The following FITM2 variants were observed in gnomAD, a reference collection of about 807,000 sequenced individuals.
FITM2 encodes the protein fat storage inducing transmembrane protein 2, also known as acyl-coenzyme A diphosphatase FITM2.
A neutral mutation model predicts 23.3 loss-of-function variants in FITM2; 16 were observed. The ratio of observed to expected loss-of-function variants is 0.69; its 90% CI spans 0.47 to 1.05. The LOEUF (loss-of-function observed/expected upper bound fraction) is 1.05. Among genes scored for constraint, FITM2 ranks in the 50% least tolerant of loss-of-function variants. The pLI, the probability that FITM2 is intolerant of heterozygous loss-of-function variation, is 0.00. For missense variants in FITM2, 273 were observed against 327.5 expected (o/e 0.83, Z 1.29); for synonymous variants, 132 against 142.0 (o/e 0.93, Z 0.50).
Position 44,305,856 on chromosome 20 carries a change from GC to G in FITM2, c.*768del, listed in dbSNP as rs1349664598. 6.6e-6 allele frequency: 1 copy of G among 152,148 alleles called. No individual in the cohort carries two copies. The highest frequency in any genetic ancestry group is 2.4e-5 in the African/African-American group (1 of 41,404). The allele number at this position is 152,148 out of a possible 1,614,324, so 9.4% of individuals were successfully genotyped here. The stretch of plus-strand genomic sequence containing the variant: ...GAAAAAAACCCTGCCTGAAATAGAT[GC>G]CTATGCAAAACTGACCAGTGGGAAA... On this transcript the variant is annotated 3_prime_UTR_variant, in exon 2 of 2. Transcript: ENST00000396825.
intron 1 of FITM2, 130 bp from the exon 2 acceptor site, chr20:44,307,370 C>G: frequency 9.2e-7 from 1 of 1,092,314 alleles, no homozygotes; most frequent in South Asian, 1.6e-5. Flanking sequence ...CTCATAGCAA[C>G]TATCATGTTT....
chr20:44,309,075 A>G (rs532990414), intron 1 of FITM2, among the ~76,000 whole-genome samples: 3 of 146,288 alleles, frequency 2.1e-5, no homozygotes, highest in Non-Finnish European at 4.5e-5. Context: ...GCTCACTGCA[A>G]CCTCCGCCTC....
chr20:44,306,451 C>T lies in FITM2; in HGVS notation c.*174G>A. 1 of 810,122 alleles carries T rather than the reference C, an allele frequency of 1.2e-6. No homozygotes were observed. The highest frequency in any genetic ancestry group is 3.0e-5 in the Admixed American group (1 of 33,232). The allele number at this position is 810,122 out of a possible 1,614,324, so 50.2% of individuals were successfully genotyped here. ...GGTGCTTGCAACACTGGTGATGTCG[C>T]CAAGAATAGTCTGAAGACTAAACTC... On this transcript the variant is annotated 3_prime_UTR_variant, in exon 2 of 2. Coordinates refer to ENST00000396825, the MANE Select transcript of FITM2 (RefSeq NM_001080472.4).
intron 1 of FITM2, 75 bp downstream of exon 1, chr20:44,310,901 T>G: frequency 6.8e-7 from 1 of 1,481,470 alleles, no homozygotes. Context: ...CCACGGCAGC[T>G]AGCACCGGCT....
Position 44,306,581 on chromosome 20 carries a change from A to G in FITM2, c.*44T>C. ...TAACTAAGCAAAATATATATTTGAA[A>G]AATAGATTAGCCATTGTCCTTCTGT... On this transcript the variant is annotated 3_prime_UTR_variant, in exon 2 of 2. Transcript: ENST00000396825. The G allele has an allele frequency of 6.3e-7, 1 of 1,582,148 alleles. No individual in the cohort carries two copies. The highest frequency in any genetic ancestry group is 8.6e-7 in the Non-Finnish European group (1 of 1,166,268).
In FITM2 at chr20:44,306,275, A is replaced by C; in HGVS notation, c.*350T>G. The C allele has an allele frequency of 4.1e-6, 1 of 242,962 alleles. No homozygotes were observed. Among genetic ancestry groups the C allele is most frequent in the East Asian group, 9.9e-5 (1 of 10,090 alleles). The allele number at this position is 242,962 out of a possible 1,614,324, so 15.1% of individuals were successfully genotyped here. A position where few individuals can be genotyped will look rare whatever the true frequency, so the allele number is the denominator to read the frequency against. On this transcript the variant is annotated 3_prime_UTR_variant, in exon 2 of 2. Transcript: ENST00000396825. Reference sequence around the variant, plus strand: ...AGGGAGAAGGCAGCAAAGGAGTCCCAAGGCTCTGGCCACTCCTTTAGCCAC... The same window carrying C: ...AGGGAGAAGGCAGCAAAGGAGTCCCCAGGCTCTGGCCACTCCTTTAGCCAC...
At chr20:44,307,830 G>A (rs1185028842) in intron 1 of FITM2, among the ~76,000 whole-genome samples, 3 of 151,916 alleles carry the variant, frequency 2.0e-5, no homozygotes, top group African/African-American at 7.2e-5. Context: ...GCTCACGCCT[G>A]TAATCCCAGC....
chr20:44,306,531 A>G lies in FITM2; in HGVS notation c.*94T>C, dbSNP rs536604458. 6.6e-7 allele frequency: 1 copy of G among 1,515,858 alleles called. No individual in the cohort carries two copies. The highest frequency in any genetic ancestry group is 1.4e-5 in the African/African-American group (1 of 72,196). 93.9% of individuals were successfully genotyped at this position (1,515,858 alleles called of 1,614,324 possible). ...AACTGCCTGGTACACTTTCCCTCTGAAGTAGGATCAATAATTTAGCCAAAT... is the reference window on the plus strand; with the variant it reads ...AACTGCCTGGTACACTTTCCCTCTGGAGTAGGATCAATAATTTAGCCAAAT... On this transcript the variant is annotated 3_prime_UTR_variant, in exon 2 of 2. Coordinates refer to ENST00000396825, the MANE Select transcript of FITM2 (RefSeq NM_001080472.4).
intron 1 of FITM2, among the ~76,000 whole-genome samples, chr20:44,307,779 G>C (rs2062694734): frequency 6.6e-6 from 1 of 150,456 alleles, no homozygotes; most frequent in East Asian, 2.0e-4. Flanking sequence ...GTATTAACCA[G>C]GTAATCCATT....
intron 1 of FITM2, among the ~76,000 whole-genome samples, chr20:44,307,678 G>C (rs575172190): frequency 6.6e-6 from 1 of 151,882 alleles, no homozygotes; most frequent in African/African-American, 2.4e-5. Flanking sequence ...CGGCCACCTT[G>C]GCCTCCCAAA....
In FITM2 at chr20:44,304,390, G is replaced by T. The variant is rs1413664844; in HGVS notation, c.*2235C>A. On this transcript the variant is annotated 3_prime_UTR_variant, in exon 2 of 2. Transcript: ENST00000396825. Reference sequence around the variant, plus strand: ...ATATCTTATCACAGGGCGTGGAACTGTGCCTTTGTGGATGGAGGTGACAGG... The same window carrying T: ...ATATCTTATCACAGGGCGTGGAACTTTGCCTTTGTGGATGGAGGTGACAGG... The T allele has an allele frequency of 1.3e-5, 2 of 152,208 alleles. No homozygotes were observed. Among genetic ancestry groups the T allele is most frequent in the Non-Finnish European group, 2.9e-5 (2 of 68,044 alleles). The allele number at this position is 152,208 out of a possible 1,614,324, so 9.4% of individuals were successfully genotyped here. A position where few individuals can be genotyped will look rare whatever the true frequency, so the allele number is the denominator to read the frequency against.
intron 1 of FITM2, among the ~76,000 whole-genome samples, 171 bp downstream of exon 1, chr20:44,310,805 C>A (rs1045650276): frequency 1.3e-5 from 2 of 152,266 alleles, no homozygotes; most frequent in Admixed American, 1.3e-4. Context: ...GTGACACCAG[C>A]TACCCCGGGG....
At position 44,307,669 on chromosome 20, in the gene FITM2, G is replaced by A. The variant is rs943606691; in HGVS notation, c.174-429C>T. Among the ~76,000 whole-genome samples, 8 of 151,722 alleles carry A rather than the reference G, an allele frequency of 5.3e-5. No individual in the cohort carries two copies. In the East Asian group the frequency reaches 1.2e-3, roughly 22 times the overall value. Reference sequence around the variant, plus strand: ...TCGAACTCCTGGCCTCAAATGCTCCGGCCACCTTGGCCTCCCAAAGTCCTG... The same window carrying A: ...TCGAACTCCTGGCCTCAAATGCTCCAGCCACCTTGGCCTCCCAAAGTCCTG... On this transcript the variant is annotated intron_variant, in intron 1 of 1. Transcript: ENST00000396825.
intron 1 of FITM2, 54 bp from the exon 2 acceptor site, chr20:44,307,294 C>T (rs1170103234): frequency 6.3e-7 from 1 of 1,587,714 alleles, no homozygotes; most frequent in African/African-American, 1.3e-5. Flanking sequence ...GAGAGGACAC[C>T]ATGTCAGGAC....
chr20:44,307,296 T>A, intron 1 of FITM2, 56 bp from the exon 2 acceptor site: 1 of 1,587,560 alleles, frequency 6.3e-7, no homozygotes, highest in Non-Finnish European at 8.6e-7. Flanking sequence ...GAGGACACCA[T>A]GTCAGGACTC....
chr20:44,310,744 G>A (rs954068960), intron 1 of FITM2, among the ~76,000 whole-genome samples: 5 of 152,186 alleles, frequency 3.3e-5, no homozygotes, highest in Admixed American at 1.3e-4. Context: ...GTCACCACCT[G>A]CCCAGTCAAG....
chr20:44,307,184 G>A lies in FITM2; in HGVS notation c.230C>T (p.Ala77Val), dbSNP rs776985995. The change falls in exon 2 of 2, where the codon GCC (alanine) becomes GTC (valine). Residue 77 changes from alanine to valine, a missense_variant. Transcript: ENST00000396825. ...WTFCLLLPFI[A>V]LTNYHLTGKA... ...GCCGGTCAGATGGTAGTTGGTGAGG[G>A]CAATGAAAGGCAGAAGGAGACAGAA... 7.4e-6 allele frequency: 12 copies of A among 1,614,066 alleles called. No homozygotes were observed. In the Admixed American group the frequency reaches 2.0e-4, roughly 27 times the overall value.
At position 44,306,536 on chromosome 20, in the gene FITM2, G is replaced by A; in HGVS notation, c.*89C>T. ...CCTGGTACACTTTCCCTCTGAAGTAGGATCAATAATTTAGCCAAATAACTA... is the reference window on the plus strand; with the variant it reads ...CCTGGTACACTTTCCCTCTGAAGTAAGATCAATAATTTAGCCAAATAACTA... On this transcript the variant is annotated 3_prime_UTR_variant, in exon 2 of 2. Coordinates refer to ENST00000396825, the MANE Select transcript of FITM2 (RefSeq NM_001080472.4). 1 of 1,523,044 alleles carries A rather than the reference G, an allele frequency of 6.6e-7. No homozygotes were observed. The allele number at this position is 1,523,044 out of a possible 1,614,324, so 94.3% of individuals were successfully genotyped here. A position where few individuals can be genotyped will look rare whatever the true frequency, so the allele number is the denominator to read the frequency against.
intron 1 of FITM2, among the ~76,000 whole-genome samples, chr20:44,309,911 A>C (rs1296944049): frequency 6.6e-6 from 1 of 152,162 alleles, no homozygotes; most frequent in East Asian, 1.9e-4. Flanking sequence ...CACTCTCATG[A>C]TCTATTCTTA....
Sources: gnomAD v4.1 joint callset for allele counts (sites outside exome capture counted in the v4.1 genomes callset) on GRCh38, gnomAD v4.1.1 for gene constraint, MANE v1.5 for transcripts, NCBI Gene and HGNC (gene_info 2026-07-23, HGNC 2026-07-21) for gene names.